DENND1C: variants seen among roughly 807,000 people sequenced by gnomAD.
DENND1C encodes the protein DENN domain-containing protein 1C.
A neutral mutation model predicts 87.9 loss-of-function variants in DENND1C; 64 were observed. That is an observed-to-expected ratio of 0.73 (90% CI 0.60 to 0.90). The LOEUF is 0.90. Ranked by LOEUF, DENND1C falls within the 40% of genes least tolerant of loss-of-function variation. DENND1C has a pLI of 0.00. For missense variants in DENND1C, 980 were observed against 1,037.0 expected, an observed-to-expected ratio of 0.95 and a Z score of 0.76; for synonymous variants, 384 against 424.4, an observed-to-expected ratio of 0.90 and a Z score of 1.17.
intron 6 of DENND1C, 83 bp downstream of exon 6, chr19:6,478,700 G>A: frequency 2.7e-6 from 4 of 1,475,302 alleles, no homozygotes; most frequent in Non-Finnish European, 3.7e-6. Context: ...GCCAAGCCTG[G>A]GAGATCTGAG....
Position 6,467,587 on chromosome 19 carries a change from C to T in DENND1C, c.2323G>A (p.Ala775Thr), listed in dbSNP as rs2092802252. ...REEPGALNSP[A>T]TPTSNCQKSQ... ...TTTTGACAGTTGCTGGTGGGTGTAG[C>T]AGGGGAATTCAGGGCTCCTGGTTCC... is the stretch of plus-strand genomic sequence containing the variant. The change falls in exon 23 of 23, where the codon GCT becomes ACT. Residue 775 changes from alanine to threonine, a missense_variant. By Grantham distance (58) the Ala-to-Thr change is moderately conservative (BLOSUM62 0). Transcript: ENST00000381480. 1.3e-6 allele frequency: 2 copies of T among 1,595,238 alleles called. No homozygotes were observed. Among genetic ancestry groups the T allele is most frequent in the African/African-American group, 1.4e-5 (1 of 73,638 alleles).
Position 6,470,363 on chromosome 19 carries a change from C to T in DENND1C, c.1294G>A (p.Gly432Ser). The change falls in exon 18 of 23, where the codon GGT (glycine) becomes AGT (serine). Residue 432 changes from glycine to serine, a missense_variant. Gly to Ser is a moderately conservative substitution (Grantham distance 56, BLOSUM62 0). Transcript: ENST00000381480. ...ACTGAGTGCAGGAGGGCGCCACCAC[C>T]TTTCTGCGGGAGAGAAGATACCAAG... ...YQLWADNLKK[G>S]GGALLHSVKA... The T allele has an allele frequency of 8.1e-6, 13 of 1,612,578 alleles. No homozygotes were observed. Among genetic ancestry groups the T allele is most frequent in the Non-Finnish European group, 1.1e-5 (13 of 1,179,404 alleles).
intron 17 of DENND1C, among the ~76,000 whole-genome samples, chr19:6,470,770 T>G (rs973726877): frequency 6.7e-6 from 1 of 148,866 alleles, no homozygotes; most frequent in Non-Finnish European, 1.5e-5. Context: ...TACAGGCGCC[T>G]GCCACCACAC....
rs563870587 is a variant in DENND1C, at chr19:6,480,298, T to C, written c.18-247A>G. ...GTGTGTGTGTGGCTGTGTATGATTG[T>C]GTGTGGCTGAGTGCATGGCTTTTGT... On this transcript the variant is annotated intron_variant, in intron 1 of 22. Transcript: ENST00000381480. The C allele has an allele frequency of 8.5e-6, 12 of 1,408,650 alleles. No homozygotes were observed. In the African/African-American group the frequency reaches 1.6e-4, roughly 19 times the overall value. The allele number at this position is 1,408,650 out of a possible 1,614,324, so 87.3% of individuals were successfully genotyped here.
At position 6,467,785 on chromosome 19, in the gene DENND1C, C is replaced by T. The variant is rs2092803920; in HGVS notation, c.2125G>A (p.Glu709Lys). ...TGGGGGCTTTCTGGAGGGCTGGGCT[C>T]AGTGGGTGCAGTGGAGAGCCAGGGA... Reference protein sequence around the residue: ...PTPWLSTAPTEPSPPESPQIL... With the variant: ...PTPWLSTAPTKPSPPESPQIL... Residue 709 changes from glutamate to lysine, a missense_variant, in exon 23 of 23, where the codon GAG becomes AAG. Coordinates refer to ENST00000381480, the MANE Select transcript of DENND1C (RefSeq NM_024898.4). The T allele has an allele frequency of 6.6e-7, 1 of 1,525,628 alleles. No homozygotes were observed. Among genetic ancestry groups the T allele is most frequent in the South Asian group, 1.3e-5 (1 of 75,444 alleles). The allele number at this position is 1,525,628 out of a possible 1,614,324, so 94.5% of individuals were successfully genotyped here.
At position 6,475,496 on chromosome 19, in the gene DENND1C, C is replaced by T; in HGVS notation, c.915G>A (p.Leu305=). The T allele has an allele frequency of 6.2e-7, 1 of 1,613,900 alleles. No homozygotes were observed. The change falls in exon 13 of 23, where the codon CTG becomes CTA. Residue 305 remains leucine (L), a synonymous_variant. Coordinates refer to ENST00000381480, the MANE Select transcript of DENND1C (RefSeq NM_024898.4). The part of the protein sequence containing the change: ...LETTFNDVQA[L]PPDVVSLLRL... ...GGGCGACACTGACCACGTCTGGAGG[C>T]AGCGCCTGCACGTCGTTAAAGGTCG... is the stretch of plus-strand genomic sequence containing the variant.
Position 6,472,897 on chromosome 19 carries a change from A to G in DENND1C, c.1150T>C (p.Phe384Leu). The G allele has an allele frequency of 6.4e-7, 1 of 1,561,964 alleles. No homozygotes were observed. Among genetic ancestry groups the G allele is most frequent in the Non-Finnish European group, 8.7e-7 (1 of 1,155,950 alleles). The change falls in exon 15 of 23, where the codon TTC (phenylalanine) becomes CTC (leucine). Residue 384 changes from phenylalanine (F) to leucine (L), a missense_variant. Physicochemically the swap from Phe to Leu is conservative, Grantham distance 22. Coordinates refer to ENST00000381480, the MANE Select transcript of DENND1C (RefSeq NM_024898.4). The stretch of plus-strand genomic sequence containing the variant: ...TCAGGGCTCTGGCATACCTGTTTGA[A>G]CAGCTGCAGGTGCACAGCCCGCCGG... ...FHRRAVHLQL[F>L]KQFIEARLEK...
rs532902044 is a variant in DENND1C at position 6,480,761 on chromosome 19, C to T, written c.18-710G>A. 2.6e-5 allele frequency among the ~76,000 whole-genome samples: 4 copies of T among 152,018 alleles called. No homozygotes were observed. In the South Asian group the frequency reaches 6.2e-4, roughly 24 times the overall value. ...CTGGGATTACAGGTGCCCGCCACCACGCCCAGCTAATTTTCATATTTTTAG... is the reference window on the plus strand; with the variant it reads ...CTGGGATTACAGGTGCCCGCCACCATGCCCAGCTAATTTTCATATTTTTAG... On this transcript the variant is annotated intron_variant, in intron 1 of 22. Transcript: ENST00000381480.
chr19:6,474,998 G>A (rs942146693), intron 14 of DENND1C, among the ~76,000 whole-genome samples: 19 of 151,894 alleles, frequency 1.3e-4, no homozygotes, highest in Non-Finnish European at 1.5e-5. Context: ...GAACCCGGGA[G>A]GCACTCCAGC....
At chr19:6,479,233 ATCTCTGG>A in intron 4 of DENND1C, among the ~76,000 whole-genome samples, 177 bp from the exon 5 acceptor site, 1 of 150,560 alleles carries the variant, frequency 6.6e-6, no homozygotes, top group African/African-American at 2.5e-5. Context: ...GGGTCCCTGG[ATCTCTGG>A]GTCCCTGAGT....
rs1180710240 is a variant in DENND1C, at chr19:6,475,830, CG to C, written c.779+6del. On this transcript the variant is annotated splice_donor_region_variant and intron_variant, in intron 11 of 22. Coordinates refer to ENST00000381480, the MANE Select transcript of DENND1C (RefSeq NM_024898.4). ...AGGCCCTGCCCCTCCCAGCTGCCCT[CG>C]CTCACCAGCAGTAGTCCAGCAGGTG... The C allele has an allele frequency of 3.3e-6, 5 of 1,524,548 alleles. No homozygotes were observed. The highest frequency in any genetic ancestry group is 4.4e-6 in the Non-Finnish European group (5 of 1,136,570). The allele number at this position is 1,524,548 out of a possible 1,614,324, so 94.4% of individuals were successfully genotyped here. A position where few individuals can be genotyped will look rare whatever the true frequency, so the allele number is the denominator to read the frequency against.
intron 1 of DENND1C, 197 bp from the exon 2 acceptor site, chr19:6,480,248 C>T (rs1913454239): frequency 6.9e-7 from 1 of 1,446,292 alleles, no homozygotes; most frequent in Non-Finnish European, 9.1e-7. Flanking sequence ...CACACAAGTA[C>T]AGGATGGAGT....
intron 1 of DENND1C, chr19:6,480,337 G>T: frequency 7.3e-7 from 1 of 1,361,292 alleles, no homozygotes; most frequent in South Asian, 1.6e-5. Context: ...CAGGCAGTGT[G>T]TGTGTGATCC....
At chr19:6,468,746 G>A (rs2145172843) in intron 20 of DENND1C, 100 bp downstream of exon 20, 1 of 1,371,902 alleles carries the variant, frequency 7.3e-7, no homozygotes, top group South Asian at 1.5e-5. Context: ...ACATATTTGG[G>A]GAGTTGAAGA....
intron 3 of DENND1C, 50 bp downstream of exon 3, chr19:6,479,809 C>A (rs377446586): frequency 1.9e-6 from 3 of 1,613,746 alleles, no homozygotes; most frequent in South Asian, 2.2e-5. Flanking sequence ...GTCCCCTCCC[C>A]CTGGGAGACT....
intron 10 of DENND1C, 35 bp downstream of exon 10, chr19:6,476,822 C>T: frequency 6.3e-7 from 1 of 1,592,540 alleles, no homozygotes; most frequent in Non-Finnish European, 8.5e-7. Flanking sequence ...GAGCCAGGCC[C>T]TGCTCCCACC....
In DENND1C at chr19:6,469,580, G is replaced by T. The variant is rs192002746; in HGVS notation, c.1407+16C>A. The T allele has an allele frequency of 6.2e-7, 1 of 1,600,038 alleles. No individual in the cohort carries two copies. Among genetic ancestry groups the T allele is most frequent in the Admixed American group, 1.7e-5 (1 of 58,138 alleles). ...ATTACAGGGGTGAGCCACTGCACCCGGCCAGTTGATCTTACCTTATACATT... is the reference window on the plus strand; with the variant it reads ...ATTACAGGGGTGAGCCACTGCACCCTGCCAGTTGATCTTACCTTATACATT... On this transcript the variant is annotated intron_variant, in intron 19 of 22. Transcript: ENST00000381480.
Position 6,475,362 on chromosome 19 carries a change from AG to A in DENND1C, c.964del (p.Leu322TrpfsTer34). The A allele has an allele frequency of 6.2e-7, 1 of 1,612,370 alleles. No homozygotes were observed. The highest frequency in any genetic ancestry group is 8.5e-7 in the Non-Finnish European group (1 of 1,179,116). ...LLRLRLRKVA[L>X]APGEGVSRLF... ...ACGGGACACCCCTTCCCCGGGGGCC[AG>A]GGCGACCTTCCTGAGCCGGAGCCTC... On this transcript the variant is annotated frameshift_variant, in exon 14 of 23. Transcript: ENST00000381480. LOFTEE classifies it high-confidence loss of function.
chr19:6,478,815 T>C lies in DENND1C; in HGVS notation c.334A>G (p.Asn112Asp). The C allele has an allele frequency of 6.2e-7, 1 of 1,613,508 alleles. No homozygotes were observed. The highest frequency in any genetic ancestry group is 2.2e-5 in the East Asian group (1 of 44,854). Residue 112 changes from asparagine (N) to aspartate (D), a missense_variant, in exon 6 of 23, where the codon AAC becomes GAC. By Grantham distance (23) the Asn-to-Asp change is conservative. Coordinates refer to ENST00000381480, the MANE Select transcript of DENND1C (RefSeq NM_024898.4). ...PWFEVFYKLL[N>D]TVGDLLAQDQ... The stretch of plus-strand genomic sequence containing the variant: ...TGGGCTAGGAGGTCTCCCACTGTGT[T>C]CAATAGCTTGTAAAACACCTCGAAC...
Sources: gnomAD v4.1 joint callset for allele counts (sites outside exome capture counted in the v4.1 genomes callset) on GRCh38, gnomAD v4.1.1 for gene constraint, MANE v1.5 for transcripts, NCBI Gene and HGNC (gene_info 2026-07-23, HGNC 2026-07-21) for gene names.